Variants in MTMR10 observed in about 807,000 individuals in gnomAD.
MTMR10 encodes the protein myotubularin related protein 10.
A neutral mutation model predicts 88.1 loss-of-function variants in MTMR10; 56 were observed. The ratio of observed to expected loss-of-function variants is 0.64; its 90% CI spans 0.51 to 0.79. The LOEUF (loss-of-function observed/expected upper bound fraction) is 0.79, where lower values mean the gene tolerates loss of function less well. Among genes scored for constraint, MTMR10 ranks in the 30% least tolerant of loss-of-function variants. The probability of loss-of-function intolerance (pLI) is 0.00; values close to 1 mark genes in which losing one functional copy is unlikely to be tolerated. For missense variants in MTMR10, 883 were observed against 924.7 expected, an observed-to-expected ratio of 0.95 and a Z score of 0.58; for synonymous variants, 380 against 340.9, an observed-to-expected ratio of 1.11 and a Z score of -1.26.
the MTMR10 span, among the ~76,000 whole-genome samples, chr15:30,929,011 T>C: frequency 6.6e-6 from 1 of 152,194 alleles, no homozygotes; most frequent in Admixed American, 6.5e-5. Context: ...AGCGAAAAGC[T>C]GTTTTTGCAA....
the MTMR10 span, among the ~76,000 whole-genome samples, chr15:30,923,619 C>T: frequency 1.3e-5 from 2 of 152,182 alleles, no homozygotes; most frequent in African/African-American, 4.8e-5. Flanking sequence ...CAGCCAGCCC[C>T]GGCCTGGCCA....
In MTMR10 at chr15:30,954,835, A is replaced by G. The variant is rs1435144435; in HGVS notation, c.994T>C (p.Leu332=). The G allele has an allele frequency of 2.5e-6, 4 of 1,588,642 alleles. No individual in the cohort carries two copies. The highest frequency in any genetic ancestry group is 3.4e-6 in the Non-Finnish European group (4 of 1,165,796). ...TGAATATTAGGCAAGGTCTTATCCA[A>G]ATCTGATTTGTAAACATCACTTCTC... ...PQRSDVYKSD[L]DKTLPNIQEV... is the part of the protein sequence containing the mutation. The change falls in exon 10 of 16, where the codon TTG becomes CTG. Residue 332 remains leucine, a synonymous_variant. Coordinates refer to ENST00000435680, the MANE Select transcript of MTMR10 (RefSeq NM_017762.3).
chr15:30,961,219 C>T, intron 6 of MTMR10, 146 bp from the exon 7 acceptor site: 2 of 1,171,414 alleles, frequency 1.7e-6, no homozygotes, highest in Non-Finnish European at 2.3e-6. Flanking sequence ...CTGTCTTGCC[C>T]TTTCCATTTA....
intron 14 of MTMR10, chr15:30,943,409 T>G: frequency 1.0e-6 from 1 of 984,518 alleles, no homozygotes; most frequent in Non-Finnish European, 1.2e-6. Context: ...TTTCTATAAT[T>G]ACAGTATTTT....
chr15:30,954,928 T>C (rs1566951964), intron 9 of MTMR10, 35 bp from the exon 10 acceptor site: 6 of 1,501,666 alleles, frequency 4.0e-6, no homozygotes, highest in Non-Finnish European at 5.4e-6. Context: ...TCATTACTCA[T>C]TCATTTCAGC....
the MTMR10 span, among the ~76,000 whole-genome samples, chr15:30,929,853 ATCATATATAATATATATAAAATATATAAT>A: frequency 1.3e-5 from 1 of 76,282 alleles, no homozygotes; most frequent in Non-Finnish European, 2.2e-5. Flanking sequence ...TAAAATATAT[ATCATATATAATATATATAAAATATATAAT>A]ATATATCATA....
chr15:30,941,161 CAGAT>C lies in MTMR10; in HGVS notation c.*305_*308del, dbSNP rs1435028911. 8 of 1,310,082 alleles carry C rather than the reference CAGAT, an allele frequency of 6.1e-6. No homozygotes were observed. The highest frequency in any genetic ancestry group is 6.0e-6 in the Non-Finnish European group (6 of 1,002,292). 81.2% of individuals were successfully genotyped at this position (1,310,082 alleles called of 1,614,324 possible). A position where few individuals can be genotyped will look rare whatever the true frequency, so the allele number is the denominator to read the frequency against. ...TGGGGCTGCTAATGTGACTGACTAT[CAGAT>C]AGCCTTCAGGAGGTGGTAGGAAAAA... On this transcript the variant is annotated 3_prime_UTR_variant, in exon 16 of 16. Coordinates refer to ENST00000435680, the MANE Select transcript of MTMR10 (RefSeq NM_017762.3).
intron 6 of MTMR10, among the ~76,000 whole-genome samples, chr15:30,965,116 A>G (rs2063457733): frequency 6.6e-6 from 1 of 152,234 alleles, no homozygotes; most frequent in South Asian, 2.1e-4. Flanking sequence ...AGGTTCCTCC[A>G]GTAATCCTGA....
At chr15:30,974,291 T>C (rs767815885) in intron 5 of MTMR10, 23 bp downstream of exon 5, 7 of 1,546,332 alleles carry the variant, frequency 4.5e-6, no homozygotes, top group East Asian at 2.3e-5. Flanking sequence ...AACCCAGAAC[T>C]TGATAAACCT....
chr15:30,941,164 A>C lies in MTMR10; in HGVS notation c.*306T>G. On this transcript the variant is annotated 3_prime_UTR_variant, in exon 16 of 16. Coordinates refer to ENST00000435680, the MANE Select transcript of MTMR10 (RefSeq NM_017762.3). The stretch of plus-strand genomic sequence containing the variant: ...GGCTGCTAATGTGACTGACTATCAG[A>C]TAGCCTTCAGGAGGTGGTAGGAAAA... The C allele has an allele frequency of 7.6e-7, 1 of 1,319,448 alleles. No homozygotes were observed. The highest frequency in any genetic ancestry group is 9.9e-7 in the Non-Finnish European group (1 of 1,009,584). The allele number at this position is 1,319,448 out of a possible 1,614,324, so 81.7% of individuals were successfully genotyped here. A position where few individuals can be genotyped will look rare whatever the true frequency, so the allele number is the denominator to read the frequency against.
the MTMR10 span, among the ~76,000 whole-genome samples, chr15:30,920,925 A>G: frequency 6.6e-6 from 1 of 152,192 alleles, no homozygotes; most frequent in East Asian, 1.9e-4. Context: ...CTGGGACTAC[A>G]GGCGTGCGCC....
Position 30,940,216 on chromosome 15 carries a change from A to G in MTMR10, c.*1254T>C. On this transcript the variant is annotated 3_prime_UTR_variant, in exon 16 of 16. Transcript: ENST00000435680. ...GGTGGTGCCCCGTTTCACTGCTGTA[A>G]GAAGCTTCAGCTTTGACCGCTACAG... 1 of 985,338 alleles carries G rather than the reference A, an allele frequency of 1.0e-6. No individual in the cohort carries two copies. Among genetic ancestry groups the G allele is most frequent in the Non-Finnish European group, 1.2e-6 (1 of 829,902 alleles). The allele number at this position is 985,338 out of a possible 1,614,324, so 61.0% of individuals were successfully genotyped here.
chr15:30,943,231 T>G, intron 14 of MTMR10, 159 bp from the exon 15 acceptor site: 1 of 1,383,624 alleles, frequency 7.2e-7, no homozygotes, highest in Non-Finnish European at 9.3e-7. Flanking sequence ...GAGACGCTCC[T>G]GGCCTTTGAG....
chr15:30,951,594 G>T (rs1216362521), intron 12 of MTMR10, among the ~76,000 whole-genome samples: 1 of 152,084 alleles, frequency 6.6e-6, no homozygotes, highest in Non-Finnish European at 1.5e-5. Flanking sequence ...CCGCCTCCTA[G>T]GTTCAAGTGA....
intron 1 of MTMR10, 141 bp downstream of exon 1, chr15:30,991,306 C>G: frequency 1.2e-6 from 1 of 847,376 alleles, no homozygotes; most frequent in Non-Finnish European, 1.7e-6. Flanking sequence ...CATTTCGCGG[C>G]GCCGGGAATC....
In MTMR10 at chr15:30,941,129, TGCTGCCTGGG is replaced by T. The variant is rs2063033276; in HGVS notation, c.*331_*340del. ...CAAATTTCCTAACTTTCCTGTTGTC[TGCTGCCTGGG>T]GCTGCTAATGTGACTGACTATCAGA... On this transcript the variant is annotated 3_prime_UTR_variant, in exon 16 of 16. Transcript: ENST00000435680. 7.9e-7 allele frequency: 1 copy of T among 1,271,674 alleles called. No homozygotes were observed. The highest frequency in any genetic ancestry group is 1.0e-6 in the Non-Finnish European group (1 of 984,930). 78.8% of individuals were successfully genotyped at this position (1,271,674 alleles called of 1,614,324 possible).
intron 5 of MTMR10, among the ~76,000 whole-genome samples, chr15:30,970,751 A>C (rs2063528283): frequency 6.6e-6 from 1 of 152,136 alleles, no homozygotes; most frequent in East Asian, 1.9e-4. Context: ...GGCAAAACCC[A>C]ACACAGCGTA....
the MTMR10 span, among the ~76,000 whole-genome samples, chr15:30,926,191 T>C: frequency 6.6e-6 from 1 of 152,248 alleles, no homozygotes; most frequent in African/African-American, 2.4e-5. Context: ...TGGAAGGTAC[T>C]GCACAAGCCT....
the MTMR10 span, among the ~76,000 whole-genome samples, chr15:30,923,020 C>A: frequency 2.6e-5 from 4 of 152,204 alleles, 1 homozygote; most frequent in Non-Finnish European, 2.9e-5. Flanking sequence ...CAGGCCCCTC[C>A]CTGTCTCTAT....
Sources: allele counts gnomAD v4.1 joint callset (sites outside exome capture counted in the v4.1 genomes callset), GRCh38; gene constraint gnomAD v4.1.1; transcripts MANE v1.5; gene names NCBI Gene and HGNC (gene_info 2026-07-23, HGNC 2026-07-21).